ENOX1: variants seen among roughly 807,000 people sequenced by gnomAD.
ENOX1 encodes the protein candidate growth-related and time keeping constitutive hydroquinone (NADH) oxidase.
ENOX1 carries 42 observed loss-of-function variants against 82.5 expected under a neutral mutation model. The ratio of observed to expected loss-of-function variants is 0.51; its 90% CI spans 0.40 to 0.66. The LOEUF (loss-of-function observed/expected upper bound fraction) is 0.66. ENOX1 is among the 30% of genes least tolerant of loss of function. The probability of loss-of-function intolerance (pLI) is 0.00; values close to 1 mark genes in which losing one functional copy is unlikely to be tolerated. For synonymous variants in ENOX1, 271 were observed against 282.2 expected (o/e 0.96, Z 0.40); for missense variants, 608 against 811.6 (o/e 0.75, Z 3.05).
intron 14 of ENOX1, among the ~76,000 whole-genome samples, chr13:43,247,852 TATATATATATATA>T (rs2043181162): frequency 3.5e-4 from 1 of 2,830 alleles, no homozygotes; most frequent in South Asian, 0.045. Flanking sequence ...TATATATATA[TATATATATATATA>T]TATATATATA....
chr13:43,567,665 G>A lies in ENOX1; in HGVS notation c.-218-83513C>T, dbSNP rs561281536. On this transcript the variant is annotated intron_variant, in intron 2 of 16. Transcript: ENST00000690772. ...GAAAGGAACCGAGACACAGAGAGGT[G>A]AGTACCTTGCAGATGAGGGATCAGT... Among the ~76,000 whole-genome samples, 13 of 152,234 alleles carry A rather than the reference G, an allele frequency of 8.5e-5. No homozygotes were observed. The South Asian group carries it at 2.5e-3, about 29-fold the overall frequency.
intron 2 of ENOX1, among the ~76,000 whole-genome samples, chr13:43,621,195 T>C (rs2082714099): frequency 6.6e-6 from 1 of 152,168 alleles, no homozygotes; most frequent in Non-Finnish European, 1.5e-5. Context: ...ATCCATTCTG[T>C]GGTTCTTTCA....
chr13:43,643,028 T>C (rs1594231645), intron 2 of ENOX1, among the ~76,000 whole-genome samples: 1 of 152,226 alleles, frequency 6.6e-6, no homozygotes, highest in African/African-American at 2.4e-5. Flanking sequence ...ATTACAATTA[T>C]GTAGGAAAAA....
chr13:43,343,592 TGA>T (rs2049193461), intron 9 of ENOX1, among the ~76,000 whole-genome samples: 1 of 152,150 alleles, frequency 6.6e-6, no homozygotes, highest in Admixed American at 6.6e-5. Flanking sequence ...CATCCTATCC[TGA>T]CAGATACATT....
chr13:43,774,857 C>CT (rs961739964), intron 1 of ENOX1, among the ~76,000 whole-genome samples: 34 of 151,248 alleles, frequency 2.2e-4, no homozygotes, highest in South Asian at 1.5e-3. Context: ...TTTCTTTTTT[C>CT]TTTTTTTTTG....
At chr13:43,486,414 A>G (rs2076420305) in intron 2 of ENOX1, among the ~76,000 whole-genome samples, 2 of 152,100 alleles carry the variant, frequency 1.3e-5, no homozygotes, top group South Asian at 2.1e-4. Flanking sequence ...CAAACAAACA[A>G]AAAAACCAAC....
intron 1 of ENOX1, among the ~76,000 whole-genome samples, chr13:43,747,822 G>A (rs1950108175): frequency 6.6e-6 from 1 of 152,152 alleles, no homozygotes; most frequent in African/African-American, 2.4e-5. Context: ...GATCCCAAAG[G>A]GATCCATGGA....
At chr13:43,699,189 C>T (rs912714116) in intron 1 of ENOX1, among the ~76,000 whole-genome samples, 9 of 152,164 alleles carry the variant, frequency 5.9e-5, no homozygotes, top group Admixed American at 4.6e-4. Flanking sequence ...CCCCTCATAT[C>T]GCACTGAGGC....
Position 43,389,956 on chromosome 13 carries a change from G to A in ENOX1, c.208+21960C>T, listed in dbSNP as rs564999686. ...AAGGGGAGAACAAAAAAAATTTTTTGGTCTTCTGACCTAGCCTGTATGAAA... is the reference window on the plus strand; with the variant it reads ...AAGGGGAGAACAAAAAAAATTTTTTAGTCTTCTGACCTAGCCTGTATGAAA... On this transcript the variant is annotated intron_variant, in intron 5 of 16. Transcript: ENST00000690772. Among the ~76,000 whole-genome samples the A allele has an allele frequency of 2.6e-5, 4 of 152,164 alleles. No homozygotes were observed. The East Asian group carries it at 7.7e-4, about 29-fold the overall frequency.
chr13:43,773,263 G>A (rs1951743469), intron 1 of ENOX1, among the ~76,000 whole-genome samples: 1 of 152,130 alleles, frequency 6.6e-6, no homozygotes, highest in South Asian at 2.1e-4. Flanking sequence ...TCCTTTTGGT[G>A]GCTGCACAAT....
chr13:43,242,475 T>C (rs1214307567), intron 14 of ENOX1, among the ~76,000 whole-genome samples: 2 of 152,270 alleles, frequency 1.3e-5, no homozygotes, highest in Admixed American at 1.3e-4. Flanking sequence ...TTTAAGCTTC[T>C]GTTCTTTACC....
intron 1 of ENOX1, among the ~76,000 whole-genome samples, chr13:43,707,116 C>T (rs299329): frequency 0.32 from 48,021 of 151,594 alleles, 8,072 homozygotes; most frequent in East Asian, 0.49. Context: ...TTCTATATAC[C>T]GGCAGTGAAT....
At chr13:43,490,177 A>G (rs1217073333) in intron 2 of ENOX1, among the ~76,000 whole-genome samples, 1 of 152,134 alleles carries the variant, frequency 6.6e-6, no homozygotes, top group African/African-American at 2.4e-5. Flanking sequence ...CCTGGCCTCA[A>G]GTGATACACC....
intron 8 of ENOX1, among the ~76,000 whole-genome samples, chr13:43,347,653 A>C (rs983497212): frequency 6.6e-6 from 1 of 152,258 alleles, no homozygotes; most frequent in Non-Finnish European, 1.5e-5. Flanking sequence ...AAGATCACTG[A>C]GAAAGCAGAA....
intron 1 of ENOX1, among the ~76,000 whole-genome samples, chr13:43,775,206 T>C (rs1337364827): frequency 6.6e-6 from 1 of 152,156 alleles, no homozygotes; most frequent in African/African-American, 2.4e-5. Context: ...TGGAGTATAA[T>C]GGCATGATCA....
At chr13:43,723,156 G>A (rs1594573077) in intron 1 of ENOX1, among the ~76,000 whole-genome samples, 1 of 152,220 alleles carries the variant, frequency 6.6e-6, no homozygotes, top group Non-Finnish European at 1.5e-5. Flanking sequence ...GCAAGTGGGA[G>A]CCTGGGCCTG....
In ENOX1 at chr13:43,506,537, A is replaced by G. The variant is rs61959525; in HGVS notation, c.-218-22385T>C. On this transcript the variant is annotated intron_variant, in intron 2 of 16. Coordinates refer to ENST00000690772, the MANE Select transcript of ENOX1 (RefSeq NM_001347969.2). The stretch of plus-strand genomic sequence containing the variant: ...TGCTGCTATAAAGACACATGCACAC[A>G]TATGTTTATTGTGGCACTATTCACA... Among the ~76,000 whole-genome samples, 150 of 136,164 alleles carry G rather than the reference A, an allele frequency of 1.1e-3. 9 individuals carry two copies. The highest frequency in any genetic ancestry group is 3.7e-3 in the African/African-American group (142 of 38,054). 89.3% of individuals were successfully genotyped at this position (136,164 alleles called of 152,430 possible). A position where few individuals can be genotyped will look rare whatever the true frequency, so the allele number is the denominator to read the frequency against.
chr13:43,423,899 A>G (rs1468871398), intron 3 of ENOX1, among the ~76,000 whole-genome samples: 2 of 152,208 alleles, frequency 1.3e-5, no homozygotes, highest in Non-Finnish European at 2.9e-5. Context: ...AGAGTAGACA[A>G]TGTAAACAGA....
chr13:43,459,606 G>T (rs1312569114), intron 3 of ENOX1: 1 of 152,170 alleles, frequency 6.6e-6, no homozygotes, highest in Non-Finnish European at 1.5e-5. Context: ...AAGGGCCAAA[G>T]ATCCTACCAG....
Sources: gnomAD v4.1 joint callset for allele counts (sites outside exome capture counted in the v4.1 genomes callset) on GRCh38, gnomAD v4.1.1 for gene constraint, MANE v1.5 for transcripts, NCBI Gene and HGNC (gene_info 2026-07-23, HGNC 2026-07-21) for gene names.